The following ARL10 variants were observed in gnomAD, a reference collection of about 807,000 sequenced individuals.
ARL10 encodes the protein ADP-ribosylation factor-like protein 10.
Under a neutral mutation model 26.1 loss-of-function variants are expected in ARL10, and 23 were observed. The observed-to-expected ratio is 0.88, with a 90% CI of 0.63 to 1.25. ARL10 has a LOEUF of 1.25. Ranked by LOEUF, ARL10 falls within the 50% of genes most tolerant of loss-of-function variation. The pLI is 0.00. For synonymous variants in ARL10, 138 were observed against 149.1 expected (o/e 0.93, Z 0.54); for missense variants, 300 against 323.6 (o/e 0.93, Z 0.56).
chr5:176,390,371 G>C (rs562263268), downstream of ARL10, among the ~76,000 whole-genome samples: 1 of 152,020 alleles, frequency 6.6e-6, no homozygotes, highest in South Asian at 2.1e-4. Flanking sequence ...CCTCCACTCC[G>C]CATAACCTCC....
chr5:176,368,772 G>C lies in ARL10; in HGVS notation c.386-35G>C. Reference sequence around the variant, plus strand: ...GGCTGTGGGCAGTGAGCGGGGGCCCGGGAGGCTCTGAGCTGGCCCCTGGCC... The same window carrying C: ...GGCTGTGGGCAGTGAGCGGGGGCCCCGGAGGCTCTGAGCTGGCCCCTGGCC... On this transcript the variant is annotated intron_variant, in intron 2 of 3. Coordinates refer to ENST00000310389, the MANE Select transcript of ARL10 (RefSeq NM_173664.6). This position sits in a 1 kb window ranked among gnomAD's most constrained non-coding sequence, Gnocchi z 4.1. 6.4e-7 allele frequency: 1 copy of C among 1,574,372 alleles called. No individual in the cohort carries two copies. Among genetic ancestry groups the C allele is most frequent in the South Asian group, 1.2e-5 (1 of 84,552 alleles).
At chr5:176,408,552 A>G in the ARL10 span, among the ~76,000 whole-genome samples, 1 of 151,984 alleles carries the variant, frequency 6.6e-6, no homozygotes, top group Admixed American at 6.6e-5. Context: ...AAAAAAAAAA[A>G]AAAGACTCAC....
At chr5:176,384,454 A>G (rs1561780673), downstream of ARL10, 17 of 1,399,216 alleles carry the variant, frequency 1.2e-5, no homozygotes, top group Non-Finnish European at 1.7e-5. Context: ...TAGGCAAGCC[A>G]CTTGCTATCT....
At chr5:176,413,623 C>T in the ARL10 span, among the ~76,000 whole-genome samples, 121 of 152,354 alleles carry the variant, frequency 7.9e-4, no homozygotes, top group African/African-American at 2.2e-3. Context: ...TACTGACTGG[C>T]GGCCGCTGCT....
chr5:176,408,992 T>C, the ARL10 span, among the ~76,000 whole-genome samples: 1 of 152,204 alleles, frequency 6.6e-6, no homozygotes, highest in Non-Finnish European at 1.5e-5. Context: ...TTTTATTTTT[T>C]TGAGATAGAG....
chr5:176,389,255 G>A (rs1463387164), downstream of ARL10: 2 of 1,513,366 alleles, frequency 1.3e-6, no homozygotes, highest in Non-Finnish European at 1.8e-6. Context: ...TTGGCTTTGG[G>A]GAAGCGAGAC....
At chr5:176,367,391 A>G (rs1417301516) in intron 2 of ARL10, among the ~76,000 whole-genome samples, 1 of 151,790 alleles carries the variant, frequency 6.6e-6, no homozygotes, top group Non-Finnish European at 1.5e-5. Context: ...CTCCTCCACT[A>G]TTGCCTGTCT....
At chr5:176,414,714 G>T in the ARL10 span, among the ~76,000 whole-genome samples, 2 of 152,204 alleles carry the variant, frequency 1.3e-5, no homozygotes, top group African/African-American at 4.8e-5. Context: ...TCAAGTCCTA[G>T]ATTGGTCATT....
downstream of ARL10, chr5:176,386,579 CTCT>C (rs1755860229): frequency 1.9e-6 from 1 of 538,902 alleles, no homozygotes; most frequent in Non-Finnish European, 3.4e-6. Context: ...TTACTGGTTT[CTCT>C]TCTATTCTCC....
downstream of ARL10, among the ~76,000 whole-genome samples, chr5:176,404,878 C>A (rs1757028811): frequency 6.6e-6 from 1 of 152,226 alleles, no homozygotes; most frequent in African/African-American, 2.4e-5. Flanking sequence ...CCTCAGAACC[C>A]CCTGCCAGTG....
downstream of ARL10, chr5:176,385,025 C>G: frequency 1.7e-6 from 1 of 592,912 alleles, no homozygotes; most frequent in Non-Finnish European, 3.0e-6. Flanking sequence ...GAGACTGGAA[C>G]CAAGGTCACT....
intron 1 of ARL10, among the ~76,000 whole-genome samples, chr5:176,395,799 A>G (rs1046669765): frequency 1.6e-4 from 25 of 152,132 alleles, no homozygotes; most frequent in Non-Finnish European, 4.4e-5. Context: ...TGTCCTTTAC[A>G]TGCCTCCAGC....
At chr5:176,414,468 G>A in the ARL10 span, among the ~76,000 whole-genome samples, 1 of 145,108 alleles carries the variant, frequency 6.9e-6, no homozygotes, top group Non-Finnish European at 1.5e-5. Flanking sequence ...GTCTCACTCT[G>A]CTGCCCAGGC....
At chr5:176,407,240 A>C in the ARL10 span, among the ~76,000 whole-genome samples, 1 of 152,160 alleles carries the variant, frequency 6.6e-6, no homozygotes, top group Non-Finnish European at 1.5e-5. Context: ...TGCATTCACC[A>C]CTTCACCTCT....
chr5:176,385,753 TA>T (rs1430887290), downstream of ARL10, among the ~76,000 whole-genome samples: 1 of 152,156 alleles, frequency 6.6e-6, no homozygotes, highest in African/African-American at 2.4e-5. Context: ...TGGGACGGTC[TA>T]AATACATGAG....
chr5:176,414,698 G>A, the ARL10 span, among the ~76,000 whole-genome samples: 64 of 152,308 alleles, frequency 4.2e-4, no homozygotes, highest in Middle Eastern at 6.8e-3. Flanking sequence ...GTTGGGAGGC[G>A]TGGGATCAAG....
the ARL10 span, among the ~76,000 whole-genome samples, chr5:176,413,234 C>G: frequency 6.6e-6 from 1 of 152,174 alleles, no homozygotes; most frequent in Non-Finnish European, 1.5e-5. Flanking sequence ...CAGGGATAAA[C>G]CCCTGAGGGT....
chr5:176,402,398 C>A (rs921504250), downstream of ARL10, among the ~76,000 whole-genome samples: 1 of 152,264 alleles, frequency 6.6e-6, no homozygotes, highest in African/African-American at 2.4e-5. Context: ...CCTCTGATTT[C>A]TGTCCTCTAT....
downstream of ARL10, chr5:176,388,771 G>A: frequency 6.3e-7 from 1 of 1,595,468 alleles, no homozygotes; most frequent in African/African-American, 1.3e-5. Context: ...ACCTTCACCG[G>A]GAGGCTGAGG....
Sources: allele counts gnomAD v4.1 joint callset (sites outside exome capture counted in the v4.1 genomes callset), GRCh38; gene constraint gnomAD v4.1.1; non-coding constraint Gnocchi (gnomAD v3.1); transcripts MANE v1.5; gene names NCBI Gene and HGNC (gene_info 2026-07-23, HGNC 2026-07-21).